Variants in TMEM132E observed in about 807,000 individuals in gnomAD.
TMEM132E encodes the protein transmembrane protein 132E.
In TMEM132E, 49 loss-of-function variants were observed where a neutral mutation model predicts 78.5. The ratio of observed to expected loss-of-function variants is 0.62; its 90% confidence interval spans 0.50 to 0.79. TMEM132E has a LOEUF of 0.79. Among genes scored for constraint, TMEM132E ranks in the 30% least tolerant of loss-of-function variants. The pLI is 0.00. For synonymous variants in TMEM132E, 715 were observed against 670.6 expected (o/e 1.07, Z -1.02); for missense variants, 1,403 against 1,470.9 (o/e 0.95, Z 0.75).
intron 1 of TMEM132E, among the ~76,000 whole-genome samples, chr17:34,610,123 C>G (rs1041470834): frequency 6.6e-6 from 1 of 152,192 alleles, no homozygotes; most frequent in Non-Finnish European, 1.5e-5. Context: ...ATCTGGCTCT[C>G]AGAATGCTCA....
chr17:34,590,100 CCAG>C (rs1366341936), intron 1 of TMEM132E, among the ~76,000 whole-genome samples: 6 of 152,194 alleles, frequency 3.9e-5, no homozygotes, highest in Non-Finnish European at 1.5e-5. Flanking sequence ...TGGGGCATTG[CCAG>C]CCCTCCTGCC....
At chr17:34,622,813 A>C (rs1907002024) in intron 1 of TMEM132E, among the ~76,000 whole-genome samples, 1 of 152,240 alleles carries the variant, frequency 6.6e-6, no homozygotes. Flanking sequence ...GTGGAACTTA[A>C]TTTCTAGTTG....
At chr17:34,596,345 G>A (rs2142056239) in intron 1 of TMEM132E, among the ~76,000 whole-genome samples, 1 of 152,260 alleles carries the variant, frequency 6.6e-6, no homozygotes, top group South Asian at 2.1e-4. Flanking sequence ...CGGAAACTGA[G>A]GCTTAGAGTA....
chr17:34,595,755 T>A (rs1439297338), intron 1 of TMEM132E, among the ~76,000 whole-genome samples: 1 of 152,190 alleles, frequency 6.6e-6, no homozygotes, highest in East Asian at 1.9e-4. Context: ...TGGTTTCACA[T>A]GAGGGTATTG....
At chr17:34,629,814 G>A (rs1907289942) in intron 4 of TMEM132E, among the ~76,000 whole-genome samples, 194 bp from the exon 5 acceptor site, 2 of 152,250 alleles carry the variant, frequency 1.3e-5, no homozygotes, top group East Asian at 3.9e-4. Context: ...GCAAAAGCCC[G>A]AGTGAGCAGA....
At chr17:34,594,781 T>C (rs1038190442) in intron 1 of TMEM132E, among the ~76,000 whole-genome samples, 7 of 152,174 alleles carry the variant, frequency 4.6e-5, no homozygotes, top group Non-Finnish European at 7.3e-5. Context: ...AGGTTTTATT[T>C]TTAGAGATGG....
intron 1 of TMEM132E, among the ~76,000 whole-genome samples, chr17:34,585,253 T>C (rs186222026): frequency 6.6e-6 from 1 of 152,336 alleles, no homozygotes; most frequent in Non-Finnish European, 1.5e-5. Context: ...CTGTGGGAGA[T>C]AAGGCCACTG....
chr17:34,608,316 G>A (rs1291627422), intron 1 of TMEM132E, among the ~76,000 whole-genome samples: 1 of 152,200 alleles, frequency 6.6e-6, no homozygotes, highest in African/African-American at 2.4e-5. Context: ...CTCTGCAGAT[G>A]CATTGGTGCT....
chr17:34,584,819 G>C (rs555803529), intron 1 of TMEM132E, among the ~76,000 whole-genome samples: 105 of 152,348 alleles, frequency 6.9e-4, no homozygotes, highest in African/African-American at 2.4e-3. Flanking sequence ...TGTCTCCGGT[G>C]ACATGTTATG....
intron 1 of TMEM132E, among the ~76,000 whole-genome samples, chr17:34,590,253 TC>T (rs1905824044): frequency 6.6e-6 from 1 of 152,190 alleles, no homozygotes; most frequent in Admixed American, 6.5e-5. Context: ...ACACCAGGAA[TC>T]CTCCCCCCCG....
chr17:34,606,714 G>A (rs550770817), intron 1 of TMEM132E, among the ~76,000 whole-genome samples: 2 of 152,318 alleles, frequency 1.3e-5, no homozygotes, highest in South Asian at 2.1e-4. Context: ...TGGGCCACCC[G>A]GGGCTGGGGC....
chr17:34,638,417 A>G lies in TMEM132E; in HGVS notation c.*185A>G, dbSNP rs1455040474. ...TCTGGGCCTTCCCTCGCCTCACGCC[A>G]TTACCCTCTTCTGCCCCCTGCAGGT... On this transcript the variant is annotated 3_prime_UTR_variant, in exon 9 of 9. Coordinates refer to ENST00000631683, the MANE Select transcript of TMEM132E (RefSeq NM_001304438.2). 32 of 617,724 alleles carry G rather than the reference A, an allele frequency of 5.2e-5. 1 individual carries two copies. In the South Asian group the frequency reaches 6.4e-4, roughly 12 times the overall value. The allele number at this position is 617,724 out of a possible 1,614,324, so 38.3% of individuals were successfully genotyped here.
intron 6 of TMEM132E, 51 bp downstream of exon 6, chr17:34,632,960 A>G: frequency 6.3e-7 from 1 of 1,599,834 alleles, no homozygotes. Context: ...GGGTGGATAC[A>G]GCCTCGGCCC....
intron 1 of TMEM132E, among the ~76,000 whole-genome samples, chr17:34,582,602 G>A (rs1158168960): frequency 6.6e-6 from 1 of 152,098 alleles, no homozygotes; most frequent in African/African-American, 2.4e-5. Flanking sequence ...GCCAGCAGGG[G>A]GGCGAGGGTG....
intron 6 of TMEM132E, 57 bp downstream of exon 6, chr17:34,632,966 G>C: frequency 6.3e-7 from 1 of 1,592,742 alleles, no homozygotes; most frequent in Non-Finnish European, 8.6e-7. Flanking sequence ...ATACAGCCTC[G>C]GCCCACAGTC....
intron 1 of TMEM132E, among the ~76,000 whole-genome samples, chr17:34,619,021 G>C (rs1465154572): frequency 6.6e-6 from 1 of 152,192 alleles, no homozygotes; most frequent in Non-Finnish European, 1.5e-5. Flanking sequence ...TGTTTCCCCA[G>C]GGCCAGTCCG....
At chr17:34,627,559 A>T (rs866478917) in intron 2 of TMEM132E, among the ~76,000 whole-genome samples, 1 of 150,034 alleles carries the variant, frequency 6.7e-6, no homozygotes, top group Non-Finnish European at 1.5e-5. Context: ...CAGAATTCCC[A>T]GCTCTTTCTA....
intron 1 of TMEM132E, among the ~76,000 whole-genome samples, chr17:34,584,653 A>G (rs1325685053): frequency 6.6e-6 from 1 of 152,190 alleles, no homozygotes; most frequent in Non-Finnish European, 1.5e-5. Flanking sequence ...ACAACTCTGT[A>G]TTGAGGGACC....
At chr17:34,625,852 A>C (rs894940555) in intron 1 of TMEM132E, among the ~76,000 whole-genome samples, 4 of 152,198 alleles carry the variant, frequency 2.6e-5, no homozygotes, top group Admixed American at 1.3e-4. Flanking sequence ...TTGCGACGGT[A>C]TTATCTTTAC....
Sources: allele counts gnomAD v4.1 joint callset (sites outside exome capture counted in the v4.1 genomes callset), GRCh38; gene constraint gnomAD v4.1.1; transcripts MANE v1.5; gene names NCBI Gene and HGNC (gene_info 2026-07-23, HGNC 2026-07-21).